Variants in SUPT3H observed in about 807,000 individuals in gnomAD.
SUPT3H encodes the protein SPT3 homolog, SAGA and STAGA complex component, also known as transcription initiation protein SPT3 homolog.
SUPT3H carries 44 observed loss-of-function variants against 44.3 expected under a neutral mutation model. The observed-to-expected ratio is 0.99, with a 90% CI of 0.78 to 1.28. The LOEUF is 1.28. SUPT3H is among the 50% of genes most tolerant of loss of function. The pLI is 0.00. For missense variants in SUPT3H, 380 were observed against 387.1 expected, an observed-to-expected ratio of 0.98 and a Z score of 0.15; for synonymous variants, 124 against 125.6, an observed-to-expected ratio of 0.99 and a Z score of 0.09.
At chr6:44,866,492 A>G (rs574179369) in intron 10 of SUPT3H, among the ~76,000 whole-genome samples, 1 of 148,092 alleles carries the variant, frequency 6.8e-6, no homozygotes, top group East Asian at 2.0e-4. Flanking sequence ...TCTCTTAGGT[A>G]ATATATATAT....
At chr6:44,835,188 A>G (rs1035151293) in intron 10 of SUPT3H, among the ~76,000 whole-genome samples, 1 of 152,122 alleles carries the variant, frequency 6.6e-6, no homozygotes, top group African/African-American at 2.4e-5. Context: ...TATGCTCAGT[A>G]TCTGATTTTG....
intron 10 of SUPT3H, among the ~76,000 whole-genome samples, chr6:44,844,707 A>G (rs933908250): frequency 6.6e-5 from 10 of 152,174 alleles, no homozygotes; most frequent in African/African-American, 2.4e-4. Context: ...GGGTCAGAAA[A>G]CACATCAGTG....
intron 11 of SUPT3H, among the ~76,000 whole-genome samples, chr6:44,810,043 C>T (rs1194943627): frequency 6.6e-6 from 1 of 152,234 alleles, no homozygotes; most frequent in Non-Finnish European, 1.5e-5. Context: ...GAAGCCAAGA[C>T]TGGGCCTGTG....
chr6:45,060,980 G>A (rs550745971), intron 3 of SUPT3H, among the ~76,000 whole-genome samples: 26 of 152,072 alleles, frequency 1.7e-4, no homozygotes, highest in Non-Finnish European at 1.8e-4. Flanking sequence ...AAATAGGAAC[G>A]CTTTAACACT....
chr6:45,170,255 A>G (rs569619901), intron 2 of SUPT3H, among the ~76,000 whole-genome samples: 1 of 152,328 alleles, frequency 6.6e-6, no homozygotes, highest in South Asian at 2.1e-4. Flanking sequence ...GAATAATTCT[A>G]TAGGCATTGT....
intron 2 of SUPT3H, among the ~76,000 whole-genome samples, chr6:45,296,756 A>AAAAAAAAAAAAAAAAAAAAAAC (rs1781323035): frequency 6.8e-6 from 1 of 146,268 alleles, no homozygotes; most frequent in Admixed American, 6.8e-5. Flanking sequence ...AAAAAAAAAA[A>AAAAAAAAAAAAAAAAAAAAAAC]AAAAAAAATT....
chr6:45,366,602 CT>C (rs1362788538), intron 1 of SUPT3H, among the ~76,000 whole-genome samples: 1 of 152,144 alleles, frequency 6.6e-6, no homozygotes, highest in African/African-American at 2.4e-5. Context: ...ATGTATTACC[CT>C]TTTTTTCACA....
intron 2 of SUPT3H, among the ~76,000 whole-genome samples, chr6:45,232,229 T>C (rs1039877056): frequency 6.6e-6 from 1 of 152,232 alleles, no homozygotes; most frequent in African/African-American, 2.4e-5. Flanking sequence ...TCTGAAGATG[T>C]ACCAATTGTG....
At chr6:44,809,137 A>G (rs1369054863), downstream of SUPT3H, among the ~76,000 whole-genome samples, 1 of 152,246 alleles carries the variant, frequency 6.6e-6, no homozygotes, top group East Asian at 1.9e-4. Context: ...AGCACTGAGA[A>G]TCTCCTAAGG....
intron 2 of SUPT3H, among the ~76,000 whole-genome samples, chr6:45,150,462 G>T (rs1258568167): frequency 1.3e-5 from 2 of 152,002 alleles, no homozygotes; most frequent in Non-Finnish European, 2.9e-5. Context: ...CTAAAACACA[G>T]CTGAGTAGAG....
intron 1 of SUPT3H, among the ~76,000 whole-genome samples, chr6:45,370,347 T>C (rs567413505): frequency 6.6e-6 from 1 of 151,984 alleles, no homozygotes; most frequent in South Asian, 2.1e-4. Context: ...AGAAACTGGT[T>C]GAATGGTGGT....
intron 3 of SUPT3H, among the ~76,000 whole-genome samples, chr6:45,078,275 G>A (rs1450018022): frequency 6.6e-6 from 1 of 152,112 alleles, no homozygotes; most frequent in East Asian, 1.9e-4. Flanking sequence ...TTAATTAAAT[G>A]TTGGTCACAT....
At chr6:44,900,328 A>G (rs1422100474) in intron 10 of SUPT3H, among the ~76,000 whole-genome samples, 1 of 152,212 alleles carries the variant, frequency 6.6e-6, no homozygotes, top group African/African-American at 2.4e-5. Context: ...CCACCCTAAT[A>G]CTGCGCTTTT....
At chr6:45,286,982 T>C (rs989645545) in intron 2 of SUPT3H, among the ~76,000 whole-genome samples, 6 of 152,002 alleles carry the variant, frequency 3.9e-5, no homozygotes, top group Non-Finnish European at 8.8e-5. Flanking sequence ...CTCAGCAAAC[T>C]ATCACAAGGA....
chr6:44,999,567 T>C (rs999711836), intron 6 of SUPT3H, among the ~76,000 whole-genome samples: 1 of 152,068 alleles, frequency 6.6e-6, no homozygotes, highest in Non-Finnish European at 1.5e-5. Flanking sequence ...AAGAGACCCA[T>C]GGAATCCTTG....
intron 3 of SUPT3H, among the ~76,000 whole-genome samples, chr6:45,061,755 T>A (rs956861873): frequency 4.6e-5 from 7 of 152,094 alleles, no homozygotes; most frequent in Admixed American, 6.6e-5. Flanking sequence ...AATATCAGAC[T>A]AATATTTTAT....
intron 2 of SUPT3H, among the ~76,000 whole-genome samples, chr6:45,332,822 T>G (rs1464071112): frequency 1.3e-5 from 2 of 151,750 alleles, no homozygotes; most frequent in East Asian, 3.9e-4. Context: ...TTCTAGTCAC[T>G]CACAAGTCAG....
chr6:44,843,016 A>G (rs1297140598), intron 10 of SUPT3H, among the ~76,000 whole-genome samples: 1 of 152,166 alleles, frequency 6.6e-6, no homozygotes, highest in African/African-American at 2.4e-5. Flanking sequence ...CTGAAGGGAG[A>G]CTGGATAAAA....
chr6:44,888,701 G>T (rs1291194770), intron 10 of SUPT3H, among the ~76,000 whole-genome samples: 1 of 151,854 alleles, frequency 6.6e-6, no homozygotes, highest in Non-Finnish European at 1.5e-5. Context: ...TTTGAAAACT[G>T]GCACAAGACA....
Sources: allele counts gnomAD v4.1 joint callset (sites outside exome capture counted in the v4.1 genomes callset), GRCh38; gene constraint gnomAD v4.1.1; transcripts MANE v1.5; gene names NCBI Gene and HGNC (gene_info 2026-07-23, HGNC 2026-07-21).